Variants in GRID2IP observed in about 807,000 individuals in gnomAD.
The protein encoded by GRID2IP is Grid2 interacting protein.
A neutral mutation model predicts 114.3 loss-of-function variants in GRID2IP; 78 were observed. The ratio of observed to expected loss-of-function variants is 0.68; its 90% CI spans 0.57 to 0.82. The LOEUF (loss-of-function observed/expected upper bound fraction) is 0.82, where lower values mean the gene tolerates loss of function less well. Ranked by LOEUF, GRID2IP falls within the 40% of genes least tolerant of loss-of-function variation. The pLI is 0.00. For missense variants in GRID2IP, 1,727 were observed against 1,678.5 expected (o/e 1.03, Z -0.51); for synonymous variants, 809 against 724.0 (o/e 1.12, Z -1.89).
chr7:6,525,125 C>T (rs546274575), intron 4 of GRID2IP, among the ~76,000 whole-genome samples: 2 of 151,882 alleles, frequency 1.3e-5, no homozygotes, highest in Admixed American at 6.6e-5. Context: ...GCCAACATGA[C>T]GAAGCCCCAT....
intron 2 of GRID2IP, chr7:6,531,200 C>T (rs933031041): frequency 1.1e-5 from 5 of 454,044 alleles, no homozygotes; most frequent in Admixed American, 8.8e-5. Flanking sequence ...CACCTCTGCC[C>T]TGCGAGCGCG....
chr7:6,521,373 C>G lies in GRID2IP; in HGVS notation c.1084+56G>C. 1 of 1,269,288 alleles carries G rather than the reference C, an allele frequency of 7.9e-7. No homozygotes were observed. Among genetic ancestry groups the G allele is most frequent in the East Asian group, 2.6e-5 (1 of 38,900 alleles). 78.6% of individuals were successfully genotyped at this position (1,269,288 alleles called of 1,614,324 possible). On this transcript the variant is annotated intron_variant, in intron 6 of 21. Coordinates refer to ENST00000457091, the MANE Select transcript of GRID2IP (RefSeq NM_001145118.2). This position sits in a 1 kb window ranked among gnomAD's most constrained non-coding sequence, Gnocchi z 4.1. ...TCCGCACTGTGACTCTCACATATAG[C>G]AGCCTGGGCAGGGTCTCTGGGGGCC...
At chr7:6,535,620 C>T (rs1005091603) in intron 2 of GRID2IP, among the ~76,000 whole-genome samples, 2 of 152,192 alleles carry the variant, frequency 1.3e-5, no homozygotes, top group African/African-American at 4.8e-5. Context: ...AATCCCAGCA[C>T]TTTGGGAGGC....
chr7:6,517,667 GCTGAGGCAGGGGGATCAC>G (rs1289700935), intron 7 of GRID2IP, among the ~76,000 whole-genome samples: 1 of 152,048 alleles, frequency 6.6e-6, no homozygotes, highest in Non-Finnish European at 1.5e-5. Flanking sequence ...ACTTTGGCAG[GCTGAGGCAGGGGGATCAC>G]CTGAGTCAGG....
At position 6,520,960 on chromosome 7, in the gene GRID2IP, T is replaced by C. The variant is rs1252818132; in HGVS notation, c.1085-199A>G. ...GCCCTGGGAAGGGTCCCTAAGGCTA[T>C]ACACTAGGGTTTTTTGTTTGTTTGT... On this transcript the variant is annotated intron_variant, in intron 6 of 21. Coordinates refer to ENST00000457091, the MANE Select transcript of GRID2IP (RefSeq NM_001145118.2). The surrounding 1 kb of genome is among the most constrained non-coding windows in gnomAD (Gnocchi z 4.6). Among the ~76,000 whole-genome samples, 1 of 152,066 alleles carries C rather than the reference T, an allele frequency of 6.6e-6. No individual in the cohort carries two copies. Among genetic ancestry groups the C allele is most frequent in the Non-Finnish European group, 1.5e-5 (1 of 67,998 alleles).
Position 6,536,913 on chromosome 7 carries a change from G to T in GRID2IP, c.584+2805C>A. 3.1e-6 allele frequency: 2 copies of T among 648,106 alleles called. No homozygotes were observed. Among genetic ancestry groups the T allele is most frequent in the Non-Finnish European group, 5.6e-6 (2 of 358,684 alleles). 40.1% of individuals were successfully genotyped at this position (648,106 alleles called of 1,614,324 possible). On this transcript the variant is annotated intron_variant, in intron 2 of 21. Transcript: ENST00000457091. This position sits in a 1 kb window ranked among gnomAD's most constrained non-coding sequence, Gnocchi z 5.3. ...CCGAGAGCTGCGCCGGGGCTGGGGT[G>T]GGCGGGGGGGCGGCGGGGAGGGTGG...
In GRID2IP at chr7:6,502,135, A is replaced by G. The variant is rs1002671754; in HGVS notation, c.3151-17T>C. ...GGAGTTCAGCTGCAAGTGACCCCCA[A>G]TATACATTCCCGTCAAGGACCCCAT... On this transcript the variant is annotated splice_polypyrimidine_tract_variant and intron_variant, in intron 18 of 21. Transcript: ENST00000457091. 1.2e-5 allele frequency: 19 copies of G among 1,550,336 alleles called. No individual in the cohort carries two copies. Among genetic ancestry groups the G allele is most frequent in the East Asian group, 1.2e-4 (5 of 40,896 alleles).
chr7:6,514,647 T>C (rs537390362), intron 7 of GRID2IP, 118 bp from the exon 8 acceptor site: 12,302 of 891,214 alleles, frequency 0.014, 132 homozygotes, highest in Non-Finnish European at 0.017. Context: ...GCCCTATCCC[T>C]ACCCTTCAAA....
intron 4 of GRID2IP, among the ~76,000 whole-genome samples, chr7:6,524,176 G>A (rs1329012785): frequency 2.6e-5 from 4 of 152,146 alleles, no homozygotes; most frequent in Admixed American, 1.3e-4. Context: ...GTCCATCTAA[G>A]CATCCATTTG....
intron 8 of GRID2IP, 85 bp downstream of exon 8, chr7:6,514,290 T>G: frequency 2.0e-5 from 24 of 1,182,206 alleles, no homozygotes; most frequent in Middle Eastern, 2.2e-4. Flanking sequence ...CCTTCACATG[T>G]GAGAACAGGT....
intron 7 of GRID2IP, among the ~76,000 whole-genome samples, chr7:6,515,766 A>G (rs1471145059): frequency 6.6e-6 from 1 of 152,076 alleles, no homozygotes; most frequent in East Asian, 1.9e-4. Context: ...CCTGGGCCAC[A>G]GAGCGAGACT....
At position 6,509,114 on chromosome 7, in the gene GRID2IP, G is replaced by T; in HGVS notation, c.1971C>A (p.Asp657Glu). The T allele has an allele frequency of 1.8e-6, 2 of 1,119,876 alleles. No homozygotes were observed. The highest frequency in any genetic ancestry group is 2.5e-6 in the Non-Finnish European group (2 of 787,298). 69.4% of individuals were successfully genotyped at this position (1,119,876 alleles called of 1,614,324 possible). A position where few individuals can be genotyped will look rare whatever the true frequency, so the allele number is the denominator to read the frequency against. ...TCCTGCGGCTGGGCGGGCGGGTGGGGTCCGGGCTTGGGGGGCTGTCGGGGC... is the reference window on the plus strand; with the variant it reads ...TCCTGCGGCTGGGCGGGCGGGTGGGTTCCGGGCTTGGGGGGCTGTCGGGGC... ...PICPDSPPSP[D>E]PTRPPSRRKL... The change falls in exon 12 of 22, where the codon GAC becomes GAA. Residue 657 changes from aspartate (D) to glutamate (E), a missense_variant. By Grantham distance (45) the Asp-to-Glu change is conservative. Transcript: ENST00000457091. This position sits in a 1 kb window ranked among gnomAD's most constrained non-coding sequence, Gnocchi z 4.9.
chr7:6,502,084 G>A lies in GRID2IP; in HGVS notation c.3185C>T (p.Thr1062Ile). The change falls in exon 19 of 22, where the codon ACC becomes ATC. Residue 1062 changes from threonine (T) to isoleucine (I), a missense_variant. Thr to Ile is a moderately conservative substitution (Grantham distance 89). Transcript: ENST00000457091. ...NSTKTVDGKSTFLHILAKSLS... is the reference protein window; with the variant it reads ...NSTKTVDGKSIFLHILAKSLS... ...CGATTTGGCAAGGATGTGCAGGAAG[G>A]TGGACTTCCCATCCACTGTCTTGGT... The A allele has an allele frequency of 1.9e-6, 3 of 1,551,304 alleles. No homozygotes were observed. Among genetic ancestry groups the A allele is most frequent in the Non-Finnish European group, 2.6e-6 (3 of 1,146,836 alleles).
At chr7:6,546,708 G>T (rs151005342) in intron 1 of GRID2IP, among the ~76,000 whole-genome samples, 4 of 152,002 alleles carry the variant, frequency 2.6e-5, no homozygotes, top group Non-Finnish European at 5.9e-5. Context: ...CCACTTCCCC[G>T]TTCCTCCTTG....
chr7:6,500,681 C>A (rs912917003), intron 20 of GRID2IP, among the ~76,000 whole-genome samples: 8 of 152,262 alleles, frequency 5.3e-5, no homozygotes, highest in African/African-American at 1.7e-4. Context: ...TCACCACCTA[C>A]TGCCCTGGCC....
Position 6,508,253 on chromosome 7 carries a change from G to A in GRID2IP, c.2276C>T (p.Pro759Leu), listed in dbSNP as rs1331297265. 9 of 1,537,140 alleles carry A rather than the reference G, an allele frequency of 5.9e-6. No individual in the cohort carries two copies. Among genetic ancestry groups the A allele is most frequent in the East Asian group, 4.9e-5 (2 of 40,744 alleles). The change falls in exon 13 of 22, where the codon CCG becomes CTG. Residue 759 changes from proline to leucine, a missense_variant. Physicochemically the swap from Pro to Leu is moderately conservative, Grantham distance 98. Transcript: ENST00000457091. The surrounding 1 kb of genome is among the most constrained non-coding windows in gnomAD (Gnocchi z 5.6). ...IPPPPLSPPP[P>L]PPLPFHDAKP... ...AGCGTCATGGAAAGGCAGGGGTGGC[G>A]GTGGTGGGGGGCTGAGCGGGGGTGG...
rs1174970146 is a variant in GRID2IP, at chr7:6,534,324, A to G, written c.584+5394T>C. Among the ~76,000 whole-genome samples, 1 of 152,064 alleles carries G rather than the reference A, an allele frequency of 6.6e-6. No individual in the cohort carries two copies. The highest frequency in any genetic ancestry group is 1.5e-5 in the Non-Finnish European group (1 of 67,998). ...TTTCCTGAAACGCTAGCGGACCACA[A>G]AGCTGACTCTGCTTTCCTGTTCCCT... On this transcript the variant is annotated intron_variant, in intron 2 of 21. Coordinates refer to ENST00000457091, the MANE Select transcript of GRID2IP (RefSeq NM_001145118.2). This position sits in a 1 kb window ranked among gnomAD's most constrained non-coding sequence, Gnocchi z 4.5.
Position 6,526,718 on chromosome 7 carries a change from C to G in GRID2IP, c.636G>C (p.Gln212His), listed in dbSNP as rs1190917756. The G allele has an allele frequency of 5.9e-6, 9 of 1,523,572 alleles. No individual in the cohort carries two copies. The East Asian group carries it at 1.1e-4, about 18-fold the overall frequency. The allele number at this position is 1,523,572 out of a possible 1,614,324, so 94.4% of individuals were successfully genotyped here. A position where few individuals can be genotyped will look rare whatever the true frequency, so the allele number is the denominator to read the frequency against. The change falls in exon 3 of 22, where the codon CAG becomes CAC. Residue 212 changes from glutamine to histidine, a missense_variant. Physicochemically the swap from Gln to His is conservative, Grantham distance 24. Coordinates refer to ENST00000457091, the MANE Select transcript of GRID2IP (RefSeq NM_001145118.2). This position sits in a 1 kb window ranked among gnomAD's most constrained non-coding sequence, Gnocchi z 7.6. ...HRARFDEVVSQGLLGKLCRAR... is the reference protein window; with the variant it reads ...HRARFDEVVSHGLLGKLCRAR... Reference sequence around the variant, plus strand: ...CGCGGCACAGCTTGCCCAGGAGGCCCTGAGACACCACCTCGTCGAAGCGCG... The same window carrying G: ...CGCGGCACAGCTTGCCCAGGAGGCCGTGAGACACCACCTCGTCGAAGCGCG...
rs575854711 is a variant in GRID2IP, at chr7:6,506,041, G to A, written c.2545-134C>T. ...CCCATCAGGTGCTGGGATAAAGCCC[G>A]GAGCAGGAGGAGACTGCAGGAGAAG... On this transcript the variant is annotated intron_variant, in intron 13 of 21. Coordinates refer to ENST00000457091, the MANE Select transcript of GRID2IP (RefSeq NM_001145118.2). This position sits in a 1 kb window ranked among gnomAD's most constrained non-coding sequence, Gnocchi z 5.2. The A allele has an allele frequency of 1.3e-4, 82 of 632,740 alleles. No individual in the cohort carries two copies. In the East Asian group the frequency reaches 2.0e-3, roughly 15 times the overall value. 39.2% of individuals were successfully genotyped at this position (632,740 alleles called of 1,614,324 possible).
Sources: gnomAD v4.1 joint callset for allele counts (sites outside exome capture counted in the v4.1 genomes callset) on GRCh38, gnomAD v4.1.1 for gene constraint, Gnocchi (gnomAD v3.1) non-coding constraint, MANE v1.5 for transcripts, NCBI Gene and HGNC (gene_info 2026-07-23, HGNC 2026-07-21) for gene names.